AP5M1: variants seen among roughly 807,000 people sequenced by gnomAD.
The protein encoded by AP5M1 is AP-5 complex subunit mu-1.
In AP5M1, 44 loss-of-function variants were observed where a neutral mutation model predicts 52.3. That is an observed-to-expected ratio of 0.84 (90% CI 0.66 to 1.08). The LOEUF is 1.08. Ranked by LOEUF, AP5M1 falls within the 50% of genes least tolerant of loss-of-function variation. The pLI is 0.00. For synonymous variants in AP5M1, 213 were observed against 199.0 expected, an observed-to-expected ratio of 1.07 and a Z score of -0.59; for missense variants, 526 against 568.4, an observed-to-expected ratio of 0.93 and a Z score of 0.76.
intron 2 of AP5M1, among the ~76,000 whole-genome samples, chr14:57,277,179 A>G (rs1394240133): frequency 1.3e-5 from 2 of 151,124 alleles, no homozygotes; most frequent in Non-Finnish European, 1.5e-5. Context: ...GTTGGGTTAC[A>G]TATGCCAGAT....
intron 7 of AP5M1, among the ~76,000 whole-genome samples, chr14:57,287,143 A>G (rs188284014): frequency 6.6e-6 from 1 of 152,244 alleles, no homozygotes; most frequent in African/African-American, 2.4e-5. Context: ...AGAGTTATCT[A>G]AACTTAAACA....
At position 57,292,450 on chromosome 14, in the gene AP5M1, A is replaced by G. The variant is rs1164772934; in HGVS notation, c.*3566A>G. ...TTTTAAAGCAAGGGCCAAGAATGCA[A>G]TTTATTTTCAGTATTTGAAGATGTA... On this transcript the variant is annotated 3_prime_UTR_variant, in exon 8 of 8. Coordinates refer to ENST00000261558, the MANE Select transcript of AP5M1 (RefSeq NM_018229.4). 1 of 151,836 alleles carries G rather than the reference A, an allele frequency of 6.6e-6. No homozygotes were observed. Among genetic ancestry groups the G allele is most frequent in the Non-Finnish European group, 1.5e-5 (1 of 67,814 alleles). The allele number at this position is 151,836 out of a possible 1,614,324, so 9.4% of individuals were successfully genotyped here.
At position 57,295,431 on chromosome 14, in the gene AP5M1, C is replaced by T. The variant is rs1022734024; in HGVS notation, c.*6547C>T. 6.6e-6 allele frequency: 1 copy of T among 151,786 alleles called. No homozygotes were observed. The highest frequency in any genetic ancestry group is 2.4e-5 in the African/African-American group (1 of 41,396). The allele number at this position is 151,786 out of a possible 1,614,324, so 9.4% of individuals were successfully genotyped here. A position where few individuals can be genotyped will look rare whatever the true frequency, so the allele number is the denominator to read the frequency against. On this transcript the variant is annotated 3_prime_UTR_variant, in exon 8 of 8. Coordinates refer to ENST00000261558, the MANE Select transcript of AP5M1 (RefSeq NM_018229.4). ...CTCAGCCAGAGGGAAGGAAAAAATG[C>T]ACTCGGTTTTGCATTAACAAAGGAA...
At chr14:57,271,272 T>C (rs1884890292) in intron 1 of AP5M1, 1 of 152,296 alleles carries the variant, frequency 6.6e-6, no homozygotes, top group Non-Finnish European at 1.5e-5. Context: ...AATCTGTCCA[T>C]GGGGCATGTC....
intron 7 of AP5M1, 69 bp from the exon 8 acceptor site, chr14:57,288,733 T>G: frequency 2.1e-6 from 2 of 935,610 alleles, no homozygotes; most frequent in Non-Finnish European, 3.4e-6. Flanking sequence ...ATTTCAAAAA[T>G]CATGACTTTG....
In AP5M1 at chr14:57,282,994, G is replaced by T; in HGVS notation, c.1149G>T (p.Glu383Asp). Residue 383 changes from glutamate (E) to aspartate (D), a missense_variant, in exon 5 of 8, where the codon GAG becomes GAT. Transcript: ENST00000261558. ...TTGGCCAGCTTGAAGTATTTCGAGA[G>T]AAAAGCTTATTGATCTGGATTATTG... is the stretch of plus-strand genomic sequence containing the variant. ...TSFGQLEVFR[E>D]KSLLIWIIGQ... 3.1e-6 allele frequency: 5 copies of T among 1,600,494 alleles called. No individual in the cohort carries two copies. The highest frequency in any genetic ancestry group is 4.3e-6 in the Non-Finnish European group (5 of 1,171,754).
In AP5M1 at chr14:57,295,920, G is replaced by A. The variant is rs902474880; in HGVS notation, c.*7036G>A. ...GTAATATATGCATTGGAGAAATACC[G>A]GTTGATTATTGTGATAACTTTTGAG... On this transcript the variant is annotated 3_prime_UTR_variant, in exon 8 of 8. Transcript: ENST00000261558. 1.3e-5 allele frequency: 2 copies of A among 151,916 alleles called. No individual in the cohort carries two copies. The highest frequency in any genetic ancestry group is 2.1e-4 in the South Asian group (1 of 4,814). 9.4% of individuals were successfully genotyped at this position (151,916 alleles called of 1,614,324 possible). A position where few individuals can be genotyped will look rare whatever the true frequency, so the allele number is the denominator to read the frequency against.
chr14:57,276,486 G>A (rs527699806), intron 2 of AP5M1, among the ~76,000 whole-genome samples: 104 of 152,132 alleles, frequency 6.8e-4, no homozygotes, highest in African/African-American at 2.4e-3. Context: ...TGAGGCATGA[G>A]ACTCGCTTGA....
At position 57,291,815 on chromosome 14, in the gene AP5M1, C is replaced by T. The variant is rs1885442052; in HGVS notation, c.*2931C>T. The T allele has an allele frequency of 6.6e-6, 1 of 151,494 alleles. No homozygotes were observed. The allele number at this position is 151,494 out of a possible 1,614,324, so 9.4% of individuals were successfully genotyped here. A position where few individuals can be genotyped will look rare whatever the true frequency, so the allele number is the denominator to read the frequency against. ...GTTTTTGTTGTAGTATTTCAAAATA[C>T]TTCGTAGACATTGATAGACTCCTAC... On this transcript the variant is annotated 3_prime_UTR_variant, in exon 8 of 8. Coordinates refer to ENST00000261558, the MANE Select transcript of AP5M1 (RefSeq NM_018229.4).
Position 57,275,944 on chromosome 14 carries a change from A to G in AP5M1, c.720+1055A>G, listed in dbSNP as rs1885024621. On this transcript the variant is annotated intron_variant, in intron 2 of 7. Transcript: ENST00000261558. The stretch of plus-strand genomic sequence containing the variant: ...TTTTCTATCTTCCTTTATTCCCTGC[A>G]GTTACGTATACTTTTTATATGTCAA... Among the ~76,000 whole-genome samples the G allele has an allele frequency of 2.0e-5, 3 of 152,264 alleles. No individual in the cohort carries two copies. In the South Asian group the frequency reaches 6.2e-4, roughly 32 times the overall value.
rs746199373 is a variant in AP5M1 at position 57,282,136 on chromosome 14, A to G, written c.996A>G (p.Glu332=). 9 of 1,578,370 alleles carry G rather than the reference A, an allele frequency of 5.7e-6. 1 individual carries two copies. The South Asian group carries it at 1.1e-4, about 19-fold the overall frequency. The change falls in exon 4 of 8, where the codon GAA becomes GAG. Residue 332 remains glutamate, a synonymous_variant. Transcript: ENST00000261558. ...GTTTTTATCAAATGAAGGAGGAAGA[A>G]GTACAACTAAGAATAACCATTAATT... ...ILGFYQMKEE[E]VQLRITINLK...
chr14:57,285,772 A>C (rs1885291481), intron 6 of AP5M1, among the ~76,000 whole-genome samples: 2 of 152,194 alleles, frequency 1.3e-5, no homozygotes, highest in African/African-American at 4.8e-5. Context: ...TCATAGCCAC[A>C]TAGCCCTAGG....
intron 2 of AP5M1, among the ~76,000 whole-genome samples, chr14:57,276,491 G>A (rs760106657): frequency 1.1e-4 from 16 of 152,072 alleles, no homozygotes; most frequent in Admixed American, 4.6e-4. Flanking sequence ...CATGAGACTC[G>A]CTTGAACTGG....
intron 6 of AP5M1, among the ~76,000 whole-genome samples, chr14:57,285,787 G>A (rs973346529): frequency 5.9e-5 from 9 of 152,144 alleles, no homozygotes; most frequent in African/African-American, 2.2e-4. Flanking sequence ...CCTAGGGATA[G>A]AAGAGAATAT....
intron 2 of AP5M1, chr14:57,278,581 A>T (rs905974547): frequency 6.6e-6 from 1 of 152,262 alleles, no homozygotes; most frequent in Non-Finnish European, 1.5e-5. Context: ...ATAGGGAAGA[A>T]GATCCTGGGC....
chr14:57,294,880 T>G lies in AP5M1; in HGVS notation c.*5996T>G, dbSNP rs1478416032. 2.6e-5 allele frequency: 4 copies of G among 151,936 alleles called. No individual in the cohort carries two copies. Among genetic ancestry groups the G allele is most frequent in the Admixed American group, 1.3e-4 (2 of 15,216 alleles). 9.4% of individuals were successfully genotyped at this position (151,936 alleles called of 1,614,324 possible). ...AAAATAATTTGAAAATTACACAAGA[T>G]TTCTCTTTCTTGATCTTGTTGATGA... On this transcript the variant is annotated 3_prime_UTR_variant, in exon 8 of 8. Coordinates refer to ENST00000261558, the MANE Select transcript of AP5M1 (RefSeq NM_018229.4).
chr14:57,269,220 G>T lies in AP5M1; in HGVS notation c.-95G>T, dbSNP rs1300662882. 1 of 1,206,270 alleles carries T rather than the reference G, an allele frequency of 8.3e-7. No homozygotes were observed. Among genetic ancestry groups the T allele is most frequent in the Non-Finnish European group, 1.2e-6 (1 of 829,752 alleles). The allele number at this position is 1,206,270 out of a possible 1,614,324, so 74.7% of individuals were successfully genotyped here. ...TATGCGGCGCAGGATGAGCCTCAGG[G>T]CTTCTGTTAAGAGTCTGTCTGAGAA... On this transcript the variant is annotated 5_prime_UTR_variant, in exon 1 of 8. Transcript: ENST00000261558.
Position 57,293,654 on chromosome 14 carries a change from C to T in AP5M1, c.*4770C>T, listed in dbSNP as rs554769843. ...ACTAGTGTTTTTAATCATTACACTC[C>T]GTGCAGTCATATTTAATCAATAAAA... On this transcript the variant is annotated 3_prime_UTR_variant, in exon 8 of 8. Transcript: ENST00000261558. 8.6e-5 allele frequency: 13 copies of T among 151,686 alleles called. No homozygotes were observed. The highest frequency in any genetic ancestry group is 2.7e-4 in the African/African-American group (11 of 41,470). The allele number at this position is 151,686 out of a possible 1,614,324, so 9.4% of individuals were successfully genotyped here.
In AP5M1 at chr14:57,280,316, C is replaced by T. The variant is rs745860429; in HGVS notation, c.842C>T (p.Thr281Ile). The change falls in exon 3 of 8, where the codon ACT (threonine) becomes ATT (isoleucine). Residue 281 changes from threonine (T) to isoleucine (I), a missense_variant. By Grantham distance (89) the Thr-to-Ile change is moderately conservative (BLOSUM62 -1). Transcript: ENST00000261558. ...CVTSLDSAIL[T>I]SSSIDAMDDS... is the part of the protein sequence containing the mutation. ...ACTTCTCTTGACTCTGCAATTCTGACTTCTAGTAGTATTGATGCAATGGAT... is the reference window on the plus strand; with the variant it reads ...ACTTCTCTTGACTCTGCAATTCTGATTTCTAGTAGTATTGATGCAATGGAT... The T allele has an allele frequency of 1.9e-6, 3 of 1,613,266 alleles. No homozygotes were observed. Among genetic ancestry groups the T allele is most frequent in the East Asian group, 2.2e-5 (1 of 44,868 alleles).
Sources: gnomAD v4.1 joint callset for allele counts (sites outside exome capture counted in the v4.1 genomes callset) on GRCh38, gnomAD v4.1.1 for gene constraint, MANE v1.5 for transcripts, NCBI Gene and HGNC (gene_info 2026-07-23, HGNC 2026-07-21) for gene names.